TRDN: variants seen among roughly 807,000 people sequenced by gnomAD.
TRDN encodes the protein triadin in skeletal muscle.
In TRDN, 161 loss-of-function variants were observed where a neutral mutation model predicts 149.7. The ratio of observed to expected loss-of-function variants is 1.08; its 90% CI spans 0.95 to 1.23. TRDN has a LOEUF of 1.23. Ranked by LOEUF, TRDN falls within the 50% of genes most tolerant of loss-of-function variation. TRDN has a pLI of 0.00. For synonymous variants in TRDN, 294 were observed against 250.5 expected, an observed-to-expected ratio of 1.17 and a Z score of -1.64; for missense variants, 896 against 823.5, an observed-to-expected ratio of 1.09 and a Z score of -1.08.
At chr6:123,547,511 CA>C in intron 3 of TRDN, 139 bp from the exon 4 acceptor site, 1 of 462,390 alleles carries the variant, frequency 2.2e-6, no homozygotes, top group Non-Finnish European at 3.7e-6. Context: ...CTTTGCTTCC[CA>C]AATTCCAGTT....
chr6:123,535,484 C>T (rs1435938599), intron 4 of TRDN, among the ~76,000 whole-genome samples: 1 of 152,098 alleles, frequency 6.6e-6, no homozygotes. Context: ...ATCCTTATCG[C>T]TATTCATCTC....
intron 1 of TRDN, among the ~76,000 whole-genome samples, chr6:123,596,001 T>A (rs1165986463): frequency 6.6e-6 from 1 of 152,040 alleles, no homozygotes; most frequent in Non-Finnish European, 1.5e-5. Flanking sequence ...AAAGCTACAA[T>A]GATTAAGCTT....
At chr6:123,520,137 C>A (rs1283453797) in intron 5 of TRDN, among the ~76,000 whole-genome samples, 4 of 151,938 alleles carry the variant, frequency 2.6e-5, no homozygotes, top group Admixed American at 6.6e-5. Flanking sequence ...AAGTTCAGTT[C>A]TGTGGTAAGG....
chr6:123,391,566 G>A (rs1772471676), intron 13 of TRDN, among the ~76,000 whole-genome samples: 1 of 151,872 alleles, frequency 6.6e-6, no homozygotes, highest in African/African-American at 2.4e-5. Context: ...GTAGTAGTGA[G>A]ATATTTATTT....
chr6:123,410,486 A>G (rs1473685905), intron 12 of TRDN, among the ~76,000 whole-genome samples: 2 of 152,222 alleles, frequency 1.3e-5, no homozygotes, highest in Non-Finnish European at 1.5e-5. Flanking sequence ...AATCATTTCT[A>G]TAACATTTAT....
intron 9 of TRDN, among the ~76,000 whole-genome samples, chr6:123,496,237 T>C (rs1019031798): frequency 6.6e-6 from 1 of 150,882 alleles, no homozygotes; most frequent in Admixed American, 6.6e-5. Context: ...TAGAATAAAT[T>C]ACTGGGATCA....
chr6:123,236,324 T>A (rs1775785874), intron 38 of TRDN, among the ~76,000 whole-genome samples: 1 of 152,234 alleles, frequency 6.6e-6, no homozygotes, highest in South Asian at 2.1e-4. Context: ...GTGAACTATG[T>A]GTTAAAATCT....
At chr6:123,361,910 T>C (rs1038966997) in intron 20 of TRDN, among the ~76,000 whole-genome samples, 2 of 152,172 alleles carry the variant, frequency 1.3e-5, no homozygotes, top group African/African-American at 2.4e-5. Context: ...GGCACCAATG[T>C]ATACATCTCC....
chr6:123,347,206 A>C (rs1780287341), intron 21 of TRDN, among the ~76,000 whole-genome samples: 1 of 152,098 alleles, frequency 6.6e-6, no homozygotes, highest in Non-Finnish European at 1.5e-5. Context: ...CATTGTACCA[A>C]TGAATTTGCA....
chr6:123,570,020 A>G (rs895037001), intron 2 of TRDN, among the ~76,000 whole-genome samples: 2 of 152,232 alleles, frequency 1.3e-5, no homozygotes, highest in African/African-American at 4.8e-5. Flanking sequence ...GACACAAAGA[A>G]TACACATTTG....
rs368428419 is a variant in TRDN at position 123,284,872 on chromosome 6, A to G, written c.1511-5790T>C. Reference sequence around the variant, plus strand: ...GTAGCTCTGCTATATACCAGCAGTGACCAAGCTGAGACTCGAATCAAGAAC... The same window carrying G: ...GTAGCTCTGCTATATACCAGCAGTGGCCAAGCTGAGACTCGAATCAAGAAC... On this transcript the variant is annotated intron_variant, in intron 24 of 40. Transcript: ENST00000334268. Among the ~76,000 whole-genome samples, 8 of 152,184 alleles carry G rather than the reference A, an allele frequency of 5.3e-5. No individual in the cohort carries two copies. In the East Asian group the frequency reaches 1.5e-3, roughly 29 times the overall value.
chr6:123,481,544 T>C (rs1368964345), intron 9 of TRDN, among the ~76,000 whole-genome samples: 2 of 152,050 alleles, frequency 1.3e-5, no homozygotes, highest in Non-Finnish European at 2.9e-5. Flanking sequence ...CCTGGTTCAA[T>C]TTCCTAATTT....
chr6:123,567,893 A>C (rs1370504312), intron 2 of TRDN, among the ~76,000 whole-genome samples: 2 of 152,176 alleles, frequency 1.3e-5, no homozygotes, highest in Non-Finnish European at 2.9e-5. Flanking sequence ...TGCAAAATAC[A>C]ATCATCCCCG....
At chr6:123,560,463 T>C (rs575419986) in intron 2 of TRDN, among the ~76,000 whole-genome samples, 1 of 152,278 alleles carries the variant, frequency 6.6e-6, no homozygotes, top group South Asian at 2.1e-4. Context: ...TCAAAGCCAC[T>C]TTACTTCCAA....
rs1554255643 is a variant in TRDN, at chr6:123,542,884, G to GTGTGTCTGTC, written c.424+4455_424+4456insGACAGACACA. On this transcript the variant is annotated intron_variant, in intron 4 of 40. Transcript: ENST00000334268. ...CGTGTGTGTGTGTGTGTGTGTGTGT[G>GTGTGTCTGTC]TGTCTGTCTGTCTGTCACTGCGTCT... 2.7e-5 allele frequency among the ~76,000 whole-genome samples: 4 copies of GTGTGTCTGTC among 148,988 alleles called. No homozygotes were observed. The East Asian group carries it at 7.9e-4, about 29-fold the overall frequency.
intron 1 of TRDN, among the ~76,000 whole-genome samples, chr6:123,584,186 C>T (rs897020414): frequency 8.6e-5 from 13 of 151,674 alleles, no homozygotes; most frequent in South Asian, 8.4e-4. Flanking sequence ...GATTGAAGTC[C>T]GGGCCAGGAA....
chr6:123,334,912 G>C (rs145764387), intron 22 of TRDN, among the ~76,000 whole-genome samples: 13 of 152,082 alleles, frequency 8.5e-5, no homozygotes, highest in African/African-American at 2.9e-4. Flanking sequence ...CATGCAGGCG[G>C]AATGTATGAG....
chr6:123,260,703 T>C (rs1776737497), intron 33 of TRDN, 65 bp from the exon 34 acceptor site: 1 of 1,281,558 alleles, frequency 7.8e-7, no homozygotes. Flanking sequence ...AAAAGTATAG[T>C]TTTTTATTCA....
At chr6:123,291,544 G>A (rs936818801) in intron 24 of TRDN, among the ~76,000 whole-genome samples, 2 of 152,060 alleles carry the variant, frequency 1.3e-5, no homozygotes, top group Non-Finnish European at 2.9e-5. Flanking sequence ...CAACCTGGGC[G>A]ACAGAGTGAG....
Sources: gnomAD v4.1 joint callset for allele counts (sites outside exome capture counted in the v4.1 genomes callset) on GRCh38, gnomAD v4.1.1 for gene constraint, MANE v1.5 for transcripts, NCBI Gene and HGNC (gene_info 2026-07-23, HGNC 2026-07-21) for gene names.